The following FAM135B variants were observed in gnomAD, a reference collection of about 807,000 sequenced individuals.
The protein encoded by FAM135B is protein FAM135B.
A neutral mutation model predicts 127.7 loss-of-function variants in FAM135B; 43 were observed. The ratio of observed to expected loss-of-function variants is 0.34; its 90% CI spans 0.26 to 0.43. The LOEUF (loss-of-function observed/expected upper bound fraction) is 0.43. FAM135B is among the 20% of genes least tolerant of loss of function. FAM135B has a pLI of 1.00. For missense variants in FAM135B, 1,558 were observed against 1,725.6 expected (o/e 0.90, Z 1.72); for synonymous variants, 670 against 665.1 (o/e 1.01, Z -0.11).
At chr8:138,313,113 G>A (rs1417916553) in intron 2 of FAM135B, among the ~76,000 whole-genome samples, 1 of 152,126 alleles carries the variant, frequency 6.6e-6, no homozygotes, top group East Asian at 1.9e-4. Context: ...TTAGGAAACA[G>A]AGAAAAGTTT....
rs1016153 is a variant in FAM135B, at chr8:138,302,552, A to G, written c.157+8289T>C. On this transcript the variant is annotated intron_variant, in intron 3 of 19. Transcript: ENST00000395297. ...TGTTGACTCCAAGTGAGCCAAAGTC[A>G]TAAAGATCTGCTGGGGGGACCCTTC... is the stretch of plus-strand genomic sequence containing the variant. 4.2e-3 allele frequency among the ~76,000 whole-genome samples: 584 copies of G among 137,620 alleles called. 6 individuals carry two copies. Among genetic ancestry groups the G allele is most frequent in the African/African-American group, 0.015 (556 of 36,310 alleles). The allele number at this position is 137,620 out of a possible 152,430, so 90.3% of individuals were successfully genotyped here.
At chr8:138,351,565 G>A (rs1829782986) in intron 2 of FAM135B, among the ~76,000 whole-genome samples, 1 of 151,942 alleles carries the variant, frequency 6.6e-6, no homozygotes, top group African/African-American at 2.4e-5. Context: ...CAGACCTCTA[G>A]ACCCAACAAC....
intron 7 of FAM135B, among the ~76,000 whole-genome samples, chr8:138,201,336 A>C (rs1817102896): frequency 6.6e-6 from 1 of 152,184 alleles, no homozygotes; most frequent in African/African-American, 2.4e-5. Flanking sequence ...GAGATTTTTC[A>C]AGGGACACTT....
In FAM135B at chr8:138,265,660, T is replaced by C. The variant is rs540948027; in HGVS notation, c.297+43A>G. ...TAGCAATGAGAGAGAACAGCCATGATAGGGAACAGCTACTTGTGGCTGGTG... is the reference window on the plus strand; with the variant it reads ...TAGCAATGAGAGAGAACAGCCATGACAGGGAACAGCTACTTGTGGCTGGTG... On this transcript the variant is annotated intron_variant, in intron 4 of 19. Transcript: ENST00000395297. The C allele has an allele frequency of 5.6e-6, 9 of 1,608,372 alleles. No individual in the cohort carries two copies. The South Asian group carries it at 6.6e-5, about 12-fold the overall frequency.
At position 138,141,104 on chromosome 8, in the gene FAM135B, C is replaced by T. The variant is rs1817101398; in HGVS notation, c.3790+94G>A. 1 of 1,243,556 alleles carries T rather than the reference C, an allele frequency of 8.0e-7. No homozygotes were observed. Among genetic ancestry groups the T allele is most frequent in the South Asian group, 1.4e-5 (1 of 71,560 alleles). 77.0% of individuals were successfully genotyped at this position (1,243,556 alleles called of 1,614,324 possible). A position where few individuals can be genotyped will look rare whatever the true frequency, so the allele number is the denominator to read the frequency against. ...CCATGCTTGGAAAAGACTGCACAGT[C>T]ACAGGGTTCCAAGTGGAAGTACCTG... On this transcript the variant is annotated intron_variant, in intron 17 of 19. Transcript: ENST00000395297. The surrounding 1 kb of genome is among the most constrained non-coding windows in gnomAD (Gnocchi z 4.7).
At chr8:138,457,255 G>C (rs1191495972) in intron 1 of FAM135B, among the ~76,000 whole-genome samples, 1 of 152,202 alleles carries the variant, frequency 6.6e-6, no homozygotes, top group African/African-American at 2.4e-5. Context: ...ATGGCACCAG[G>C]CATCTCCAAC....
chr8:138,138,912 A>G lies in FAM135B; in HGVS notation c.3901+74T>C, dbSNP rs1816888817. ...TCTGTGAGTGAATCAATGTAGCATT[A>G]TATCTCATTTGTGTCTCAGGAGTTG... On this transcript the variant is annotated intron_variant, in intron 18 of 19. Transcript: ENST00000395297. 3.2e-6 allele frequency: 3 copies of G among 940,640 alleles called. No individual in the cohort carries two copies. The Admixed American group carries it at 5.2e-5, about 16-fold the overall frequency. 58.3% of individuals were successfully genotyped at this position (940,640 alleles called of 1,614,324 possible).
chr8:138,326,837 C>T (rs184638399), intron 2 of FAM135B, among the ~76,000 whole-genome samples: 184 of 152,186 alleles, frequency 1.2e-3, no homozygotes, highest in Non-Finnish European at 1.6e-3. Flanking sequence ...AGATAAGACA[C>T]GTACAACACC....
chr8:138,167,865 C>T (rs2130898465), intron 12 of FAM135B, 30 bp downstream of exon 12: 2 of 1,587,044 alleles, frequency 1.3e-6, no homozygotes, highest in Middle Eastern at 1.7e-4. Flanking sequence ...AGCCTTATTC[C>T]TGAGTCTTTC....
At chr8:138,189,028 T>C (rs1261191347) in intron 9 of FAM135B, among the ~76,000 whole-genome samples, 3 of 152,182 alleles carry the variant, frequency 2.0e-5, no homozygotes, top group South Asian at 4.1e-4. Context: ...CCTGCTTGAA[T>C]GTTGCCTTAT....
chr8:138,252,480 A>G (rs1015937833), intron 5 of FAM135B, among the ~76,000 whole-genome samples: 7 of 152,208 alleles, frequency 4.6e-5, no homozygotes, highest in African/African-American at 1.7e-4. Context: ...AATACATGTC[A>G]GTGTCGCAAA....
rs777524756 is a variant in FAM135B, at chr8:138,151,948, C to T, written c.2527G>A (p.Gly843Arg). Residue 843 changes from glycine to arginine, a missense_variant, in exon 13 of 20, where the codon GGA becomes AGA. Coordinates refer to ENST00000395297, the MANE Select transcript of FAM135B (RefSeq NM_015912.4). ...VLDADNQQGP[G>R]YIDIPKGKGK... ...TTCCCTTTGGGGATGTCTATGTATC[C>T]GGGGCCCTGCTGGTTGTCAGCATCT... 60 of 1,613,968 alleles carry T rather than the reference C, an allele frequency of 3.7e-5. No individual in the cohort carries two copies. The highest frequency in any genetic ancestry group is 1.1e-4 in the African/African-American group (8 of 74,890).
chr8:138,379,749 G>A (rs1831723442), intron 1 of FAM135B, among the ~76,000 whole-genome samples: 1 of 152,148 alleles, frequency 6.6e-6, no homozygotes, highest in African/African-American at 2.4e-5. Flanking sequence ...TTCAGACAGG[G>A]AAGAATAGCA....
chr8:138,365,596 T>G (rs1256533267), intron 2 of FAM135B, among the ~76,000 whole-genome samples: 1 of 152,218 alleles, frequency 6.6e-6, no homozygotes, highest in African/African-American at 2.4e-5. Context: ...TCAATAGGCT[T>G]TTGTAAGAAG....
intron 2 of FAM135B, among the ~76,000 whole-genome samples, chr8:138,333,617 G>A (rs1828343392): frequency 6.6e-6 from 1 of 152,158 alleles, no homozygotes; most frequent in African/African-American, 2.4e-5. Flanking sequence ...AGCTAGACCT[G>A]AGCACTTTGA....
chr8:138,352,216 G>A (rs1251685983), intron 2 of FAM135B, among the ~76,000 whole-genome samples: 1 of 152,142 alleles, frequency 6.6e-6, no homozygotes, highest in Non-Finnish European at 1.5e-5. Flanking sequence ...TAAAGGCCAA[G>A]ATTTTTACTG....
At chr8:138,247,348 G>GT (rs1169394723) in intron 6 of FAM135B, among the ~76,000 whole-genome samples, 1 of 152,170 alleles carries the variant, frequency 6.6e-6, no homozygotes, top group African/African-American at 2.4e-5. Flanking sequence ...GAGGGATCTG[G>GT]TGGGAGGTAA....
At chr8:138,133,427 T>C (rs761473364) in intron 19 of FAM135B, among the ~76,000 whole-genome samples, 26 of 152,212 alleles carry the variant, frequency 1.7e-4, no homozygotes, top group Non-Finnish European at 5.9e-5. Context: ...GAACAATAGA[T>C]AGATTTGCAC....
intron 3 of FAM135B, among the ~76,000 whole-genome samples, chr8:138,288,398 G>A (rs1201884125): frequency 3.3e-5 from 5 of 152,200 alleles, no homozygotes; most frequent in Non-Finnish European, 7.3e-5. Flanking sequence ...GATATCCGGG[G>A]TGCTGTGAGG....
Sources: allele counts gnomAD v4.1 joint callset (sites outside exome capture counted in the v4.1 genomes callset), GRCh38; gene constraint gnomAD v4.1.1; non-coding constraint Gnocchi (gnomAD v3.1); transcripts MANE v1.5; gene names NCBI Gene and HGNC (gene_info 2026-07-23, HGNC 2026-07-21).